The following WDR36 variants were observed in gnomAD, a reference collection of about 807,000 sequenced individuals.
WDR36 encodes the protein WD repeat-containing protein 36.
Under a neutral mutation model 112.7 loss-of-function variants are expected in WDR36, and 63 were observed. The observed-to-expected ratio is 0.56, with a 90% CI of 0.46 to 0.69. WDR36 has a LOEUF of 0.69. WDR36 is among the 30% of genes least tolerant of loss of function. The pLI, the probability that WDR36 is intolerant of heterozygous loss-of-function variation, is 0.00. For missense variants in WDR36, 1,226 were observed against 1,070.3 expected, an observed-to-expected ratio of 1.15 and a Z score of -2.03; for synonymous variants, 410 against 362.2, an observed-to-expected ratio of 1.13 and a Z score of -1.50.
chr5:111,092,626 ACTT>A lies in WDR36; in HGVS notation c.162+12_162+14del, dbSNP rs1297072120. 1 of 1,611,202 alleles carries A rather than the reference ACTT, an allele frequency of 6.2e-7. No individual in the cohort carries two copies. Among genetic ancestry groups the A allele is most frequent in the Non-Finnish European group, 8.5e-7 (1 of 1,179,720 alleles). Reference sequence around the variant, plus strand: ...AGTTTCCACACCTATGACGTGAGTGACTTCTTTTGTTAGCTTCCCAGGAAAACC... The same window carrying A: ...AGTTTCCACACCTATGACGTGAGTGACTTTTGTTAGCTTCCCAGGAAAACC... On this transcript the variant is annotated intron_variant, in intron 1 of 22. Transcript: ENST00000513710.
chr5:111,105,369 T>A lies in WDR36; in HGVS notation c.1093+9T>A. ...TAAGAGCTTGGGACATGGTAGGTCC[T>A]CTACAAGACAAAATAAGCTGGTCAC... On this transcript the variant is annotated intron_variant, in intron 10 of 22. Coordinates refer to ENST00000513710, the MANE Select transcript of WDR36 (RefSeq NM_139281.3). The A allele has an allele frequency of 6.2e-7, 1 of 1,607,930 alleles. No individual in the cohort carries two copies. The highest frequency in any genetic ancestry group is 8.5e-7 in the Non-Finnish European group (1 of 1,175,492).
At chr5:111,094,240 G>A (rs916278389) in intron 1 of WDR36, among the ~76,000 whole-genome samples, 8 of 152,278 alleles carry the variant, frequency 5.3e-5, no homozygotes, top group South Asian at 4.1e-4. Flanking sequence ...TATATGACTG[G>A]CCCCATTCTG....
intron 5 of WDR36, among the ~76,000 whole-genome samples, chr5:111,102,122 T>C (rs1252641497): frequency 7.3e-6 from 1 of 137,754 alleles, no homozygotes; most frequent in Admixed American, 7.4e-5. Context: ...GGACATTTAA[T>C]TTCTTAATGA....
At chr5:111,119,569 T>C (rs1490398382) in intron 17 of WDR36, among the ~76,000 whole-genome samples, 1 of 152,164 alleles carries the variant, frequency 6.6e-6, no homozygotes, top group Non-Finnish European at 1.5e-5. Context: ...TTTATAACCG[T>C]GTAAAGATAC....
intron 5 of WDR36, among the ~76,000 whole-genome samples, chr5:111,101,948 A>G (rs1753128903): frequency 1.3e-5 from 2 of 151,928 alleles, no homozygotes; most frequent in Non-Finnish European, 2.9e-5. Context: ...GAGCAGCATT[A>G]CTGTTGTCAT....
chr5:111,104,771 C>T lies in WDR36; in HGVS notation c.981C>T (p.Thr327=). The change falls in exon 9 of 23, where the codon ACC becomes ACT. Residue 327 remains threonine, a synonymous_variant. Coordinates refer to ENST00000513710, the MANE Select transcript of WDR36 (RefSeq NM_139281.3). ...GAATGGGTCATAGTGCTCCTCTTAC[C>T]AATATCAGATATTATGGACAGAATG... ...RFRMGHSAPL[T]NIRYYGQNGQ... is the part of the protein sequence containing the mutation. 6.2e-7 allele frequency: 1 copy of T among 1,611,274 alleles called. No individual in the cohort carries two copies. The highest frequency in any genetic ancestry group is 1.3e-5 in the African/African-American group (1 of 74,874).
chr5:111,104,917 C>G (rs756953163), intron 9 of WDR36, 100 bp downstream of exon 9: 40 of 1,558,162 alleles, frequency 2.6e-5, no homozygotes, highest in Non-Finnish European at 3.3e-5. Context: ...ATTCACATAT[C>G]TCTTTGAGTG....
chr5:111,110,129 A>T lies in WDR36; in HGVS notation c.1327-60A>T, dbSNP rs1012515974. The T allele has an allele frequency of 2.0e-5, 24 of 1,184,664 alleles. No homozygotes were observed. The African/African-American group carries it at 3.6e-4, about 18-fold the overall frequency. 73.4% of individuals were successfully genotyped at this position (1,184,664 alleles called of 1,614,324 possible). A position where few individuals can be genotyped will look rare whatever the true frequency, so the allele number is the denominator to read the frequency against. ...AAGTAGATAAAAAAATGCTTTGGAA[A>T]GCATAAAGTGCAATAAAAATGTTAG... On this transcript the variant is annotated intron_variant, in intron 12 of 22. Transcript: ENST00000513710.
intron 16 of WDR36, among the ~76,000 whole-genome samples, chr5:111,117,147 G>T (rs10051830): frequency 6.6e-6 from 1 of 151,890 alleles, no homozygotes; most frequent in Admixed American, 6.6e-5. Flanking sequence ...CATTCTTGTG[G>T]GCTTTCAAAA....
chr5:111,121,219 C>A, intron 19 of WDR36, 78 bp downstream of exon 19: 2 of 1,521,716 alleles, frequency 1.3e-6, no homozygotes, highest in Non-Finnish European at 1.8e-6. Flanking sequence ...GAGAACTTCT[C>A]CTACATTGAG....
intron 17 of WDR36, 69 bp downstream of exon 17, chr5:111,119,189 A>G: frequency 7.8e-7 from 1 of 1,278,348 alleles, no homozygotes; most frequent in Non-Finnish European, 1.1e-6. Flanking sequence ...AGAGTTGCTA[A>G]AATTGTCATT....
At chr5:111,110,576 AT>A (rs780487727) in intron 13 of WDR36, among the ~76,000 whole-genome samples, 9 of 151,406 alleles carry the variant, frequency 5.9e-5, no homozygotes, top group Non-Finnish European at 1.2e-4. Context: ...TTTCAAACCT[AT>A]GTTGTATCGA....
At chr5:111,093,538 C>G (rs1752913383) in intron 1 of WDR36, among the ~76,000 whole-genome samples, 1 of 152,174 alleles carries the variant, frequency 6.6e-6, no homozygotes. Context: ...TTCTCAGAGT[C>G]TGAGCTGGTA....
intron 2 of WDR36, chr5:111,095,157 C>G (rs1009660203): frequency 1.8e-6 from 1 of 541,588 alleles, no homozygotes; most frequent in African/African-American, 1.9e-5. Context: ...TGGAACTGTT[C>G]TTTAGACTTT....
intron 5 of WDR36, among the ~76,000 whole-genome samples, 168 bp from the exon 6 acceptor site, chr5:111,102,177 G>A (rs1464318587): frequency 6.6e-6 from 1 of 151,090 alleles, no homozygotes; most frequent in African/African-American, 2.4e-5. Context: ...AATTTGTCTG[G>A]ACAATATTAC....
In WDR36 at chr5:111,113,048, ATATATTTT is replaced by A; in HGVS notation, c.1717-24_1717-17del. The A allele has an allele frequency of 1.1e-5, 5 of 458,072 alleles. No homozygotes were observed. The highest frequency in any genetic ancestry group is 1.6e-5 in the Non-Finnish European group (5 of 322,442). The allele number at this position is 458,072 out of a possible 1,614,324, so 28.4% of individuals were successfully genotyped here. A position where few individuals can be genotyped will look rare whatever the true frequency, so the allele number is the denominator to read the frequency against. On this transcript the variant is annotated intron_variant, in intron 15 of 22. Coordinates refer to ENST00000513710, the MANE Select transcript of WDR36 (RefSeq NM_139281.3). ...TTATATATAAATAATATATATATATATATATTTTTTTTTTTTAATTTAAAGGCTTTTAG... is the reference window on the plus strand; with the variant it reads ...TTATATATAAATAATATATATATATATTTTTTTTAATTTAAAGGCTTTTAG...
At chr5:111,112,172 A>G (rs1753355442) in intron 15 of WDR36, among the ~76,000 whole-genome samples, 1 of 151,970 alleles carries the variant, frequency 6.6e-6, no homozygotes, top group Non-Finnish European at 1.5e-5. Flanking sequence ...TTTTGAAAAC[A>G]TCTGTCAGTG....
Position 111,120,610 on chromosome 5 carries a change from A to G in WDR36, c.2002+17A>G, listed in dbSNP as rs1196163079. On this transcript the variant is annotated intron_variant, in intron 18 of 22. Coordinates refer to ENST00000513710, the MANE Select transcript of WDR36 (RefSeq NM_139281.3). ...AAACCCAAGGTAATTAGAAAATTGC[A>G]AAGTAATTTTTGAGGTGTAATATTA... is the stretch of plus-strand genomic sequence containing the variant. The G allele has an allele frequency of 6.3e-7, 1 of 1,586,210 alleles. No individual in the cohort carries two copies. The highest frequency in any genetic ancestry group is 1.7e-5 in the Admixed American group (1 of 59,928).
intron 19 of WDR36, among the ~76,000 whole-genome samples, chr5:111,122,822 A>G (rs532000545): frequency 1.2e-4 from 18 of 152,270 alleles, no homozygotes; most frequent in African/African-American, 4.1e-4. Flanking sequence ...TCTTCCATCA[A>G]ATGTTCCTGA....
Sources: gnomAD v4.1 joint callset for allele counts (sites outside exome capture counted in the v4.1 genomes callset) on GRCh38, gnomAD v4.1.1 for gene constraint, MANE v1.5 for transcripts, NCBI Gene and HGNC (gene_info 2026-07-23, HGNC 2026-07-21) for gene names.